Variants in RGPD2 observed in about 807,000 individuals in gnomAD.
RGPD2 encodes the protein RANBP2-like and GRIP domain-containing protein 2.
A neutral mutation model predicts 36.0 loss-of-function variants in RGPD2; 2 were observed. The ratio of observed to expected loss-of-function variants is 0.06; its 90% CI spans 0.02 to 0.17. The LOEUF is 0.17. RGPD2 is among the 10% of genes least tolerant of loss of function. The pLI is 1.00. For synonymous variants in RGPD2, 19 were observed against 163.8 expected (o/e 0.12, Z 6.75); for missense variants, 40 against 464.3 (o/e 0.09, Z 8.40).
At chr2:87,953,033 A>G in the RGPD2 span, among the ~76,000 whole-genome samples, 6 of 151,814 alleles carry the variant, frequency 4.0e-5, no homozygotes, top group African/African-American at 1.5e-4. Flanking sequence ...GGCTAAAAAT[A>G]GGGAACAACT....
chr2:87,809,802 A>G, intron 6 of RGPD2, among the ~76,000 whole-genome samples: 1 of 149,666 alleles, frequency 6.7e-6, no homozygotes, highest in East Asian at 2.0e-4. Context: ...CCCCATGGTC[A>G]TCTCCCCTCC....
chr2:87,972,839 C>A, the RGPD2 span: 1 of 1,611,810 alleles, frequency 6.2e-7, no homozygotes, highest in East Asian at 2.2e-5. Context: ...GTTCTGGCTG[C>A]TCTGGACTGT....
the RGPD2 span, among the ~76,000 whole-genome samples, chr2:87,843,934 T>C: frequency 6.6e-6 from 1 of 151,912 alleles, no homozygotes; most frequent in Non-Finnish European, 1.5e-5. Context: ...AAATTGGAAA[T>C]CATCATTCTC....
At chr2:87,781,750 C>A (rs1479521405) in intron 20 of RGPD2, among the ~76,000 whole-genome samples, 4 of 145,844 alleles carry the variant, frequency 2.7e-5, no homozygotes, top group Non-Finnish European at 6.0e-5. Context: ...GAGTGAGCCA[C>A]CGTGCCCAGC....
the RGPD2 span, among the ~76,000 whole-genome samples, chr2:87,921,059 C>T: frequency 6.7e-6 from 1 of 150,186 alleles, no homozygotes; most frequent in East Asian, 2.0e-4. Context: ...AAAGCCACTC[C>T]CTAATGGGAC....
chr2:87,825,636 G>T, intron 1 of RGPD2, 22 bp downstream of exon 1: 1 of 1,541,856 alleles, frequency 6.5e-7, no homozygotes, highest in Non-Finnish European at 8.8e-7. Flanking sequence ...CGAGGCCGTC[G>T]GTCTCTTCGA....
intron 1 of RGPD2, among the ~76,000 whole-genome samples, chr2:87,822,178 CCA>C (rs2104365822): frequency 6.6e-6 from 1 of 152,206 alleles, no homozygotes; most frequent in East Asian, 1.9e-4. Context: ...CATGAATTCC[CCA>C]GTCTTCTTCC....
the RGPD2 span, among the ~76,000 whole-genome samples, chr2:87,831,410 AC>A: frequency 6.6e-6 from 1 of 152,202 alleles, no homozygotes; most frequent in Non-Finnish European, 1.5e-5. Context: ...AATATGTAAT[AC>A]CAAAAATTGA....
chr2:87,948,600 C>T, the RGPD2 span, among the ~76,000 whole-genome samples: 6 of 139,884 alleles, frequency 4.3e-5, no homozygotes, highest in Non-Finnish European at 6.3e-5. Flanking sequence ...AGGCTGGTCT[C>T]GAACTCCCGA....
chr2:87,879,322 T>TA, the RGPD2 span, among the ~76,000 whole-genome samples: 1 of 152,114 alleles, frequency 6.6e-6, no homozygotes, highest in African/African-American at 2.4e-5. Flanking sequence ...CTTTTGATTT[T>TA]AAAATGTATA....
chr2:87,915,272 G>GTATATATATATATA, the RGPD2 span, among the ~76,000 whole-genome samples: 9 of 139,710 alleles, frequency 6.4e-5, no homozygotes, highest in African/African-American at 2.2e-4. Context: ...GTGTGTGTGT[G>GTATATATATATATA]TGTATATATA....
intron 21 of RGPD2, 86 bp from the exon 22 acceptor site, chr2:87,772,450 TCCC>T: frequency 3.8e-6 from 1 of 261,624 alleles, no homozygotes; most frequent in African/African-American, 9.8e-5. Context: ...TTTCTTCTCT[TCCC>T]CCCAAATTTC....
At chr2:87,864,191 C>T in the RGPD2 span, among the ~76,000 whole-genome samples, 1 of 146,998 alleles carries the variant, frequency 6.8e-6, no homozygotes, top group Non-Finnish European at 1.5e-5. Context: ...ATGTAAATGC[C>T]CCTGCTCAAT....
chr2:87,943,771 A>G, the RGPD2 span, among the ~76,000 whole-genome samples: 4 of 151,538 alleles, frequency 2.6e-5, no homozygotes, highest in African/African-American at 9.7e-5. Flanking sequence ...TTACAGTTTC[A>G]GGTCTTACAT....
the RGPD2 span, among the ~76,000 whole-genome samples, chr2:87,857,090 A>G: frequency 6.6e-6 from 1 of 152,286 alleles, no homozygotes; most frequent in Non-Finnish European, 1.5e-5. Flanking sequence ...AATCCATCTA[A>G]GGCCAAAACA....
At chr2:87,979,886 A>C in the RGPD2 span, among the ~76,000 whole-genome samples, 4 of 151,970 alleles carry the variant, frequency 2.6e-5, no homozygotes, top group African/African-American at 9.7e-5. Flanking sequence ...AAAAAAAAAA[A>C]ACCACACAAG....
At chr2:87,867,073 C>T in the RGPD2 span, among the ~76,000 whole-genome samples, 2 of 150,434 alleles carry the variant, frequency 1.3e-5, no homozygotes, top group Non-Finnish European at 3.0e-5. Flanking sequence ...ATCCCACTGG[C>T]TAATAACGGC....
the RGPD2 span, among the ~76,000 whole-genome samples, chr2:87,842,759 C>A: frequency 1.3e-5 from 2 of 152,050 alleles, no homozygotes; most frequent in African/African-American, 4.8e-5. Flanking sequence ...CCAAGTTAAT[C>A]CTAAGCCAAA....
At chr2:87,836,128 C>T in the RGPD2 span, among the ~76,000 whole-genome samples, 2 of 152,038 alleles carry the variant, frequency 1.3e-5, no homozygotes, top group Non-Finnish European at 2.9e-5. Flanking sequence ...ACTCAGATAA[C>T]CCCTGTGAGA....
Sources: gnomAD v4.1 joint callset for allele counts (sites outside exome capture counted in the v4.1 genomes callset) on GRCh38, gnomAD v4.1.1 for gene constraint, MANE v1.5 for transcripts, NCBI Gene and HGNC (gene_info 2026-07-23, HGNC 2026-07-21) for gene names.